Variants in WDR70 observed in about 807,000 individuals in gnomAD.
WDR70 encodes WD repeat-containing protein 70.
A neutral mutation model predicts 88.6 loss-of-function variants in WDR70; 53 were observed. That is an observed-to-expected ratio of 0.60 (90% CI 0.48 to 0.75). The LOEUF is 0.75. Ranked by LOEUF, WDR70 falls within the 30% of genes least tolerant of loss-of-function variation. The pLI is 0.00. For missense variants in WDR70, 610 were observed against 823.2 expected (o/e 0.74, Z 3.17); for synonymous variants, 280 against 270.0 (o/e 1.04, Z -0.36).
intron 17 of WDR70, among the ~76,000 whole-genome samples, chr5:37,731,003 A>G (rs1474501767): frequency 2.0e-5 from 3 of 152,160 alleles, no homozygotes; most frequent in Non-Finnish European, 4.4e-5. Context: ...TCATGAAGCC[A>G]TCAAGTGTGC....
At chr5:37,413,462 C>G (rs1202986383) in intron 5 of WDR70, among the ~76,000 whole-genome samples, 1 of 152,026 alleles carries the variant, frequency 6.6e-6, no homozygotes, top group African/African-American at 2.4e-5. Context: ...GTGGCTCACA[C>G]CTGTAATCCC....
intron 9 of WDR70, among the ~76,000 whole-genome samples, chr5:37,542,494 G>T (rs972573849): frequency 1.3e-5 from 2 of 152,008 alleles, no homozygotes; most frequent in African/African-American, 4.8e-5. Context: ...TGTTGGTCAG[G>T]CTGGCCTCTG....
intron 9 of WDR70, among the ~76,000 whole-genome samples, chr5:37,527,214 GTTA>G (rs556483717): frequency 5.2e-4 from 79 of 152,200 alleles, no homozygotes; most frequent in African/African-American, 1.8e-3. Context: ...GAGGCATCAC[GTTA>G]CCTGACTTCA....
intron 9 of WDR70, among the ~76,000 whole-genome samples, chr5:37,600,048 A>C (rs1743823250): frequency 6.6e-6 from 1 of 152,186 alleles, no homozygotes. Flanking sequence ...TCTTAGATGC[A>C]ACACCAAAAG....
chr5:37,663,209 A>G (rs1207744036), intron 10 of WDR70, among the ~76,000 whole-genome samples: 1 of 152,218 alleles, frequency 6.6e-6, no homozygotes, highest in African/African-American at 2.4e-5. Flanking sequence ...GTAATAGAGC[A>G]TTACAAAAGT....
intron 7 of WDR70, among the ~76,000 whole-genome samples, chr5:37,469,872 A>T (rs1489772874): frequency 6.6e-6 from 1 of 152,180 alleles, no homozygotes; most frequent in Non-Finnish European, 1.5e-5. Context: ...TGAGAGAGCT[A>T]TAACTGTAAT....
chr5:37,436,879 TTTAA>T (rs1750482084), intron 5 of WDR70, among the ~76,000 whole-genome samples: 1 of 152,102 alleles, frequency 6.6e-6, no homozygotes. Context: ...AGGTCACATG[TTTAA>T]TTAAGTAGAT....
At chr5:37,639,404 G>C (rs1005296985) in intron 10 of WDR70, among the ~76,000 whole-genome samples, 1 of 152,182 alleles carries the variant, frequency 6.6e-6, no homozygotes, top group African/African-American at 2.4e-5. Context: ...ATGCTGGTAA[G>C]ACAGGAAGAA....
intron 9 of WDR70, among the ~76,000 whole-genome samples, chr5:37,558,079 A>G (rs915980628): frequency 6.6e-6 from 1 of 151,778 alleles, no homozygotes; most frequent in Non-Finnish European, 1.5e-5. Context: ...AAATATGCCA[A>G]CCGCCTTGGC....
intron 9 of WDR70, among the ~76,000 whole-genome samples, chr5:37,534,601 G>T (rs1325604487): frequency 2.7e-5 from 4 of 150,576 alleles, no homozygotes; most frequent in Non-Finnish European, 5.9e-5. Flanking sequence ...GGGTTCAAGC[G>T]ATTATCCTGC....
intron 17 of WDR70, among the ~76,000 whole-genome samples, chr5:37,743,211 C>T (rs1748536787): frequency 6.6e-6 from 1 of 152,214 alleles, no homozygotes; most frequent in South Asian, 2.1e-4. Context: ...GGGGAACCCC[C>T]CTCCCCCAAG....
At chr5:37,684,843 A>G (rs887235989) in intron 10 of WDR70, among the ~76,000 whole-genome samples, 4 of 152,194 alleles carry the variant, frequency 2.6e-5, no homozygotes, top group Non-Finnish European at 5.9e-5. Flanking sequence ...TTGCATGCTC[A>G]CTGGCTGCAG....
intron 9 of WDR70, among the ~76,000 whole-genome samples, chr5:37,548,700 C>T (rs1472097921): frequency 1.3e-5 from 2 of 152,078 alleles, no homozygotes; most frequent in African/African-American, 4.8e-5. Context: ...TGGGGTATTA[C>T]TCAAGAAATC....
intron 10 of WDR70, among the ~76,000 whole-genome samples, chr5:37,632,732 T>C (rs1053184349): frequency 1.3e-5 from 2 of 152,168 alleles, no homozygotes; most frequent in African/African-American, 2.4e-5. Context: ...CTACAGTTAA[T>C]TTATTATTGA....
At chr5:37,650,794 C>G (rs1224263134) in intron 10 of WDR70, among the ~76,000 whole-genome samples, 2 of 152,052 alleles carry the variant, frequency 1.3e-5, no homozygotes, top group African/African-American at 4.8e-5. Flanking sequence ...TATATTTGCT[C>G]CTTTACATAC....
At chr5:37,430,282 T>C (rs1428655701) in intron 5 of WDR70, among the ~76,000 whole-genome samples, 1 of 152,198 alleles carries the variant, frequency 6.6e-6, no homozygotes, top group African/African-American at 2.4e-5. Context: ...TAAAGTGGTC[T>C]ACTAATAAGG....
chr5:37,681,691 T>C (rs2112618755), intron 10 of WDR70, among the ~76,000 whole-genome samples: 1 of 152,302 alleles, frequency 6.6e-6, no homozygotes, highest in East Asian at 1.9e-4. Flanking sequence ...GATAATCATG[T>C]GGTTTTGTGT....
intron 5 of WDR70, among the ~76,000 whole-genome samples, chr5:37,400,475 C>A (rs1259322205): frequency 1.3e-5 from 2 of 152,160 alleles, no homozygotes; most frequent in Admixed American, 1.3e-4. Flanking sequence ...ATTACTTCCA[C>A]TGATCTCATA....
chr5:37,632,790 C>T (rs1451670770), intron 10 of WDR70, among the ~76,000 whole-genome samples: 2 of 152,126 alleles, frequency 1.3e-5, no homozygotes, highest in Non-Finnish European at 2.9e-5. Flanking sequence ...AAGCTTACTG[C>T]ATTTATAAAG....
Sources: gnomAD v4.1 joint callset for allele counts (sites outside exome capture counted in the v4.1 genomes callset) on GRCh38, gnomAD v4.1.1 for gene constraint, MANE v1.5 for transcripts, NCBI Gene and HGNC (gene_info 2026-07-23, HGNC 2026-07-21) for gene names.